The following SCN9A variants were observed in gnomAD, a reference collection of about 807,000 sequenced individuals.
SCN9A encodes sodium voltage-gated channel alpha subunit 9.
A neutral mutation model predicts 187.0 loss-of-function variants in SCN9A; 131 were observed. That is an observed-to-expected ratio of 0.70 (90% CI 0.61 to 0.81). The LOEUF (loss-of-function observed/expected upper bound fraction) is 0.81, where lower values mean the gene tolerates loss of function less well. Among genes scored for constraint, SCN9A ranks in the 30% least tolerant of loss-of-function variants. SCN9A has a pLI of 0.00. For synonymous variants in SCN9A, 809 were observed against 808.6 expected (o/e 1.00, Z -0.01); for missense variants, 2,252 against 2,396.6 (o/e 0.94, Z 1.26).
In SCN9A at chr2:166,198,823, TCATTAA is replaced by T. The variant is rs772025034; in HGVS notation, c.5810_5815del (p.Val1937_Asn1938del). On this transcript the variant is annotated inframe_deletion, in exon 27 of 27. Coordinates refer to ENST00000642356, the MANE Select transcript of SCN9A (RefSeq NM_001365536.1). ...ATCTGTTTTTTCTGGACTTGAGTTC[TCATTAA>T]CATTATCAAAAGCCATATCTTTTTT... 2 of 1,613,434 alleles carry T rather than the reference TCATTAA, an allele frequency of 1.2e-6. No individual in the cohort carries two copies. Among genetic ancestry groups the T allele is most frequent in the South Asian group, 1.1e-5 (1 of 91,032 alleles).
chr2:166,315,359 C>A lies in SCN9A; in HGVS notation c.-50-3553G>T, dbSNP rs181094108. Among the ~76,000 whole-genome samples the A allele has an allele frequency of 1.4e-4, 22 of 152,264 alleles. No homozygotes were observed. In the South Asian group the frequency reaches 4.6e-3, roughly 32 times the overall value. On this transcript the variant is annotated intron_variant, in intron 1 of 26. Coordinates refer to ENST00000642356, the MANE Select transcript of SCN9A (RefSeq NM_001365536.1). Reference sequence around the variant, plus strand: ...TTACCAGTTTGATTCTTCCAATATTCCTATTCTCCTCTGTCTCTGTCTCCC... The same window carrying A: ...TTACCAGTTTGATTCTTCCAATATTACTATTCTCCTCTGTCTCTGTCTCCC...
intron 20 of SCN9A, among the ~76,000 whole-genome samples, chr2:166,235,028 T>C (rs1427138127): frequency 5.9e-5 from 9 of 152,172 alleles, no homozygotes; most frequent in Non-Finnish European, 1.5e-5. Context: ...TGGGACTCTC[T>C]GGTGTGCCCA....
At position 166,280,572 on chromosome 2, in the gene SCN9A, A is replaced by G. The variant is rs766287092; in HGVS notation, c.2128T>C (p.Cys710Arg). 9 of 1,582,584 alleles carry G rather than the reference A, an allele frequency of 5.7e-6. No homozygotes were observed. Among genetic ancestry groups the G allele is most frequent in the Non-Finnish European group, 6.9e-6 (8 of 1,162,008 alleles). ...GCAAATCTGTACCACCAAGGTGGAC[A>G]TTTTTGTCTGGACTCTTCAAGTTCT... ...VEELEESRQK[C>R]PPWWYRFAHK... Residue 710 changes from cysteine to arginine, a missense_variant, in exon 14 of 27, where the codon TGT (cysteine) becomes CGT (arginine). Physicochemically the swap from Cys to Arg is radical, Grantham distance 180. This residue lies in a region of SCN9A where 1,013 missense variants were observed against 997.4 expected (regional missense o/e 1.02). Coordinates refer to ENST00000642356, the MANE Select transcript of SCN9A (RefSeq NM_001365536.1).
intron 24 of SCN9A, among the ~76,000 whole-genome samples, chr2:166,225,905 G>A (rs1314381027): frequency 6.6e-6 from 1 of 152,086 alleles, no homozygotes; most frequent in Non-Finnish European, 1.5e-5. Context: ...AAGAGAACAT[G>A]GACCTGCTGA....
chr2:166,234,452 A>G (rs1280003810), intron 20 of SCN9A, among the ~76,000 whole-genome samples: 1 of 152,178 alleles, frequency 6.6e-6, no homozygotes. Flanking sequence ...AACTTTATAT[A>G]TTTATCTATT....
intron 24 of SCN9A, among the ~76,000 whole-genome samples, chr2:166,206,723 T>G (rs1470799417): frequency 2.6e-5 from 4 of 152,226 alleles, no homozygotes; most frequent in African/African-American, 4.8e-5. Context: ...TATATTCATT[T>G]TAATATACCA....
intron 14 of SCN9A, among the ~76,000 whole-genome samples, chr2:166,278,804 C>T (rs1195924041): frequency 1.3e-5 from 2 of 151,984 alleles, no homozygotes; most frequent in East Asian, 1.9e-4. Flanking sequence ...ATTTAATTGA[C>T]AATGTGGCAG....
At chr2:166,306,830 T>C (rs1698773918) in intron 3 of SCN9A, 126 bp downstream of exon 3, 1 of 643,882 alleles carries the variant, frequency 1.6e-6, no homozygotes, top group African/African-American at 1.8e-5. Flanking sequence ...ATATTAATAA[T>C]ACTGAAATTA....
chr2:166,341,439 T>G (rs1209566598), intron 1 of SCN9A, among the ~76,000 whole-genome samples: 1 of 152,246 alleles, frequency 6.6e-6, no homozygotes, highest in Non-Finnish European at 1.5e-5. Flanking sequence ...TTGAGTTCAG[T>G]GGCTTCTCCC....
chr2:166,220,092 C>T (rs936097164), intron 24 of SCN9A, among the ~76,000 whole-genome samples: 4 of 152,098 alleles, frequency 2.6e-5, no homozygotes, highest in Non-Finnish European at 5.9e-5. Context: ...TGGGAGTTGT[C>T]CCTAGGATGC....
chr2:166,352,021 C>G (rs1700044334), intron 1 of SCN9A, among the ~76,000 whole-genome samples: 2 of 152,078 alleles, frequency 1.3e-5, no homozygotes, highest in African/African-American at 4.8e-5. Context: ...CTATTGTCTT[C>G]ATTCTATGGC....
chr2:166,318,252 AG>A (rs1221691130), intron 1 of SCN9A, among the ~76,000 whole-genome samples: 1 of 152,142 alleles, frequency 6.6e-6, no homozygotes, highest in Non-Finnish European at 1.5e-5. Flanking sequence ...CCTAAAATGT[AG>A]CCTGCCTGTC....
At chr2:166,306,044 A>T (rs1698744904) in intron 4 of SCN9A, 124 bp from the exon 5 acceptor site, 1 of 1,077,640 alleles carries the variant, frequency 9.3e-7, no homozygotes, top group African/African-American at 1.6e-5. Context: ...CTGTTGGGTT[A>T]TGGACACACC....
chr2:166,222,860 G>A (rs1296476361), intron 24 of SCN9A, among the ~76,000 whole-genome samples: 1 of 138,796 alleles, frequency 7.2e-6, no homozygotes, highest in South Asian at 2.3e-4. Context: ...GAACCCGGGA[G>A]GCGGAGCTTG....
intron 7 of SCN9A, among the ~76,000 whole-genome samples, chr2:166,297,041 CA>C (rs960859848): frequency 1.3e-5 from 2 of 150,910 alleles, no homozygotes; most frequent in Non-Finnish European, 1.5e-5. Context: ...ACTAAAAATA[CA>C]AAAAAATAGC....
chr2:166,362,804 C>T (rs956862924), intron 1 of SCN9A, among the ~76,000 whole-genome samples: 28 of 151,878 alleles, frequency 1.8e-4, no homozygotes, highest in Non-Finnish European at 2.4e-4. Flanking sequence ...AGTGCATAGG[C>T]AAAAACGGTT....
chr2:166,218,649 A>G lies in SCN9A; in HGVS notation c.4398+7918T>C, dbSNP rs188725278. Among the ~76,000 whole-genome samples, 603 of 152,290 alleles carry G rather than the reference A, an allele frequency of 4.0e-3. 4 individuals are homozygous for G. The highest frequency in any genetic ancestry group is 0.014 in the African/African-American group (578 of 41,578). Reference sequence around the variant, plus strand: ...CAGCCTAGGCAATACCATTCAGGACATAGGCATGGGCAAAGATTTCATGAT... The same window carrying G: ...CAGCCTAGGCAATACCATTCAGGACGTAGGCATGGGCAAAGATTTCATGAT... On this transcript the variant is annotated intron_variant, in intron 24 of 26. Coordinates refer to ENST00000642356, the MANE Select transcript of SCN9A (RefSeq NM_001365536.1).
chr2:166,314,841 A>G (rs1699069161), intron 1 of SCN9A, among the ~76,000 whole-genome samples: 1 of 152,192 alleles, frequency 6.6e-6, no homozygotes. Context: ...ATGGTTAAAG[A>G]GTATGGGGCT....
chr2:166,240,370 T>C (rs962666742), intron 19 of SCN9A, among the ~76,000 whole-genome samples: 4 of 152,198 alleles, frequency 2.6e-5, no homozygotes, highest in African/African-American at 4.8e-5. Flanking sequence ...CTAGTTTAAT[T>C]GGCAACCTGT....
Sources: allele counts gnomAD v4.1 joint callset (sites outside exome capture counted in the v4.1 genomes callset), GRCh38; gene constraint gnomAD v4.1.1; regional missense constraint gnomAD v4.1.1; transcripts MANE v1.5; gene names NCBI Gene and HGNC (gene_info 2026-07-23, HGNC 2026-07-21).